The following SP2 variants were observed in gnomAD, a reference collection of about 807,000 sequenced individuals.
SP2 encodes transcription factor Sp2.
Under a neutral mutation model 50.1 loss-of-function variants are expected in SP2, and 9 were observed. That is an observed-to-expected ratio of 0.18 (90% CI 0.11 to 0.31). The LOEUF (loss-of-function observed/expected upper bound fraction) is 0.31. Among genes scored for constraint, SP2 ranks in the 10% least tolerant of loss-of-function variants. The pLI is 1.00. For missense variants in SP2, 581 were observed against 806.5 expected (o/e 0.72, Z 3.39); for synonymous variants, 313 against 326.6 (o/e 0.96, Z 0.45).
intron 5 of SP2, 68 bp downstream of exon 5, chr17:47,925,161 T>C: frequency 1.3e-6 from 2 of 1,521,910 alleles, no homozygotes; most frequent in Non-Finnish European, 1.8e-6. Context: ...TGGACAGTTG[T>C]CCAGAGCTGC....
intron 1 of SP2, among the ~76,000 whole-genome samples, chr17:47,912,292 C>T (rs1009491127): frequency 2.0e-5 from 3 of 152,262 alleles, no homozygotes; most frequent in Middle Eastern, 3.4e-3. Flanking sequence ...AGCTGCCCTC[C>T]AGCTCCATAC....
At chr17:47,910,414 CTG>C (rs956527068) in intron 1 of SP2, among the ~76,000 whole-genome samples, 1 of 152,194 alleles carries the variant, frequency 6.6e-6, no homozygotes, top group African/African-American at 2.4e-5. Context: ...GTTTCTGTAA[CTG>C]TGGTTCGTGG....
chr17:47,919,114 A>G (rs2035332540), intron 3 of SP2, among the ~76,000 whole-genome samples: 2 of 152,190 alleles, frequency 1.3e-5, no homozygotes, highest in Admixed American at 1.3e-4. Context: ...AGATTTGCAT[A>G]TTTACTAAGA....
Position 47,923,249 on chromosome 17 carries a change from G to A in SP2, c.1347G>A (p.Val449=). 6.2e-7 allele frequency: 1 copy of A among 1,605,800 alleles called. No homozygotes were observed. Among genetic ancestry groups the A allele is most frequent in the Non-Finnish European group, 8.5e-7 (1 of 1,179,344 alleles). The change falls in exon 4 of 7, where the codon GTG becomes GTA. Residue 449 remains valine (V), a synonymous_variant. Transcript: ENST00000376741. ...TCAATGGTGTCCAGGTCCAGGGCGT[G>A]CCTGTCACCATCACCAACACAGGCG... ...ININGVQVQG[V]PVTITNTGGQ...
intron 1 of SP2, among the ~76,000 whole-genome samples, chr17:47,911,546 C>T (rs1043865175): frequency 4.1e-4 from 61 of 149,180 alleles, no homozygotes; most frequent in Admixed American, 2.7e-3. Flanking sequence ...CAGTGGCTCA[C>T]GCCTGTAATC....
In SP2 at chr17:47,916,509, C is replaced by T; in HGVS notation, c.438C>T (p.Ile146=). 1 of 1,614,114 alleles carries T rather than the reference C, an allele frequency of 6.2e-7. No individual in the cohort carries two copies. The highest frequency in any genetic ancestry group is 8.5e-7 in the Non-Finnish European group (1 of 1,180,010). ...TTCAGGCAAGCAATTCCCAAACCAT[C>T]CAAGTACAGCCCAATCTCACCAACC... ...PQIQASNSQT[I]QVQPNLTNQI... is the part of the protein sequence containing the mutation. The change falls in exon 3 of 7, where the codon ATC becomes ATT. Residue 146 remains isoleucine, a synonymous_variant. Coordinates refer to ENST00000376741, the MANE Select transcript of SP2 (RefSeq NM_003110.6). The surrounding 1 kb of genome is among the most constrained non-coding windows in gnomAD (Gnocchi z 4.7).
chr17:47,916,192 A>C lies in SP2; in HGVS notation c.121A>C (p.Thr41Pro), dbSNP rs746987067. 2 of 1,613,522 alleles carry C rather than the reference A, an allele frequency of 1.2e-6. No individual in the cohort carries two copies. The highest frequency in any genetic ancestry group is 1.7e-5 in the Admixed American group (1 of 59,972). ...QPSPLALLAA[T>P]CSKIGPPAVE... ...ATCTCCCTTAGCCCTGCTTGCTGCA[A>C]CATGTAGCAAAATTGGCCCTCCAGC... Residue 41 changes from threonine to proline, a missense_variant, in exon 3 of 7, where the codon ACA becomes CCA. Transcript: ENST00000376741. This position sits in a 1 kb window ranked among gnomAD's most constrained non-coding sequence, Gnocchi z 4.7.
chr17:47,912,599 C>T (rs543621761), intron 1 of SP2, among the ~76,000 whole-genome samples: 2 of 152,180 alleles, frequency 1.3e-5, no homozygotes, highest in Non-Finnish European at 2.9e-5. Context: ...CATGTGCCAC[C>T]ATGTCCAGCT....
intron 6 of SP2, among the ~76,000 whole-genome samples, chr17:47,926,319 T>TG (rs1043888864): frequency 8.6e-5 from 13 of 150,682 alleles, no homozygotes; most frequent in African/African-American, 2.7e-4. Context: ...CTTTTTGTTT[T>TG]TTTTTTTTTT....
chr17:47,925,149 C>T lies in SP2; in HGVS notation c.1547+56C>T. 2.6e-6 allele frequency: 4 copies of T among 1,539,366 alleles called. No homozygotes were observed. The South Asian group carries it at 4.9e-5, about 19-fold the overall frequency. On this transcript the variant is annotated intron_variant, in intron 5 of 6. Transcript: ENST00000376741. ...GCTGGCCTGTGTTCCCCAAGCCCCT[C>T]CTGGACAGTTGTCCAGAGCTGCAAG...
intron 1 of SP2, among the ~76,000 whole-genome samples, chr17:47,903,338 A>C (rs1273124332): frequency 6.6e-6 from 1 of 152,180 alleles, no homozygotes; most frequent in Non-Finnish European, 1.5e-5. Flanking sequence ...GAGACTAGCA[A>C]GTGTGTCCTA....
intron 1 of SP2, 170 bp downstream of exon 1, chr17:47,896,463 A>T (rs2034335197): frequency 1.9e-6 from 1 of 523,058 alleles, no homozygotes. Flanking sequence ...CGCCCGGAGG[A>T]GGAGCGGGGC....
intron 1 of SP2, among the ~76,000 whole-genome samples, chr17:47,896,716 T>A (rs1239057330): frequency 3.9e-5 from 6 of 152,198 alleles, no homozygotes; most frequent in African/African-American, 1.4e-4. Context: ...CTGAGAGGCC[T>A]TCCTGCACTC....
At chr17:47,906,685 A>T (rs1056933811) in intron 1 of SP2, among the ~76,000 whole-genome samples, 82 of 152,342 alleles carry the variant, frequency 5.4e-4, no homozygotes, top group African/African-American at 1.9e-3. Flanking sequence ...AAGTTTTTCA[A>T]GGATCTGGAA....
At chr17:47,929,671 G>T (rs1249071709), downstream of SP2, 1 of 152,672 alleles carries the variant, frequency 6.5e-6, no homozygotes, top group Non-Finnish European at 1.5e-5. Context: ...GAACTAATAG[G>T]AACTCAGGGG....
At chr17:47,901,372 CT>C (rs1331127932) in intron 1 of SP2, among the ~76,000 whole-genome samples, 1 of 152,092 alleles carries the variant, frequency 6.6e-6, no homozygotes, top group African/African-American at 2.4e-5. Context: ...GTCTCCAACT[CT>C]TGACCTCGTG....
In SP2 at chr17:47,917,233, A is replaced by G. The variant is rs2035248609; in HGVS notation, c.1059+103A>G. The G allele has an allele frequency of 4.0e-6, 5 of 1,253,550 alleles. No homozygotes were observed. The South Asian group carries it at 4.4e-5, about 11-fold the overall frequency. The allele number at this position is 1,253,550 out of a possible 1,614,324, so 77.7% of individuals were successfully genotyped here. On this transcript the variant is annotated intron_variant, in intron 3 of 6. Coordinates refer to ENST00000376741, the MANE Select transcript of SP2 (RefSeq NM_003110.6). ...CATCTCCCAGCTTGATCTGACCTTG[A>G]GAGTCAGTATCTTTTGGGGTGGGCA... is the stretch of plus-strand genomic sequence containing the variant.
chr17:47,915,066 T>G (rs540039568), intron 1 of SP2, among the ~76,000 whole-genome samples: 1 of 151,830 alleles, frequency 6.6e-6, no homozygotes, highest in African/African-American at 2.4e-5. Context: ...ATACAAAAAT[T>G]AGCTGGGCAT....
chr17:47,902,975 C>G (rs1289280575), intron 1 of SP2, among the ~76,000 whole-genome samples: 1 of 152,126 alleles, frequency 6.6e-6, no homozygotes, highest in East Asian at 1.9e-4. Context: ...AGGCTGGTCT[C>G]CAACTCCTGA....
Sources: gnomAD v4.1 joint callset for allele counts (sites outside exome capture counted in the v4.1 genomes callset) on GRCh38, gnomAD v4.1.1 for gene constraint, Gnocchi (gnomAD v3.1) non-coding constraint, MANE v1.5 for transcripts, NCBI Gene and HGNC (gene_info 2026-07-23, HGNC 2026-07-21) for gene names.